EDEM3: variants seen among roughly 807,000 people sequenced by gnomAD.
EDEM3 encodes the protein ER degradation-enhancing alpha-mannosidase-like protein 3.
EDEM3 carries 60 observed loss-of-function variants against 110.2 expected under a neutral mutation model. The observed-to-expected ratio is 0.54, with a 90% CI of 0.44 to 0.67. The LOEUF (loss-of-function observed/expected upper bound fraction) is 0.67, where lower values mean the gene tolerates loss of function less well. EDEM3 is among the 30% of genes least tolerant of loss of function. The pLI is 0.00. For synonymous variants in EDEM3, 352 were observed against 382.9 expected, an observed-to-expected ratio of 0.92 and a Z score of 0.94; for missense variants, 996 against 1,121.0, an observed-to-expected ratio of 0.89 and a Z score of 1.59.
At chr1:184,741,763 G>A (rs72737777) in intron 2 of EDEM3, among the ~76,000 whole-genome samples, 2 of 152,216 alleles carry the variant, frequency 1.3e-5, no homozygotes, top group South Asian at 2.1e-4. Context: ...AGAGTATAAC[G>A]GGTATTGTAG....
chr1:184,731,082 T>G (rs1380773481), intron 6 of EDEM3, among the ~76,000 whole-genome samples: 2 of 152,078 alleles, frequency 1.3e-5, no homozygotes, highest in African/African-American at 4.8e-5. Flanking sequence ...GTGATACTGG[T>G]TTTTCAAGTG....
At chr1:184,724,518 G>A (rs958737809) in intron 7 of EDEM3, among the ~76,000 whole-genome samples, 5 of 152,102 alleles carry the variant, frequency 3.3e-5, no homozygotes, top group Admixed American at 6.6e-5. Context: ...TGGATGAAAA[G>A]ATGTTACAAA....
chr1:184,727,016 G>A (rs766545811), intron 6 of EDEM3, among the ~76,000 whole-genome samples: 1 of 152,306 alleles, frequency 6.6e-6, no homozygotes, highest in East Asian at 1.9e-4. Flanking sequence ...AATAGGCCAC[G>A]AGCGGTAGCT....
chr1:184,701,618 T>C (rs1225046669), intron 19 of EDEM3: 11 of 1,097,918 alleles, frequency 1.0e-5, no homozygotes, highest in Admixed American at 2.9e-5. Context: ...AAATAATAAT[T>C]TGCCTATGTT....
chr1:184,710,712 TG>T (rs1311744642), intron 15 of EDEM3, among the ~76,000 whole-genome samples, 165 bp from the exon 16 acceptor site: 1 of 152,206 alleles, frequency 6.6e-6, no homozygotes, highest in African/African-American at 2.4e-5. Flanking sequence ...GGTTAACAAG[TG>T]GTATAGCTTT....
At chr1:184,705,997 A>G (rs1314667270) in intron 18 of EDEM3, among the ~76,000 whole-genome samples, 8 of 152,310 alleles carry the variant, frequency 5.3e-5, no homozygotes, top group African/African-American at 1.9e-4. Flanking sequence ...ATCTGCTAGC[A>G]ATACTGTAAA....
At chr1:184,704,634 A>T (rs1490941808) in intron 18 of EDEM3, among the ~76,000 whole-genome samples, 1 of 133,488 alleles carries the variant, frequency 7.5e-6, no homozygotes, top group East Asian at 2.4e-4. Flanking sequence ...TGGGTGACAA[A>T]GCAAGACTCT....
At position 184,719,591 on chromosome 1, in the gene EDEM3, C is replaced by T. The variant is rs759555788; in HGVS notation, c.952-23G>A. 2.0e-5 allele frequency: 32 copies of T among 1,609,832 alleles called. No individual in the cohort carries two copies. The South Asian group carries it at 3.1e-4, about 16-fold the overall frequency. On this transcript the variant is annotated intron_variant, in intron 9 of 19. Transcript: ENST00000318130. ...GTGCTAAAAGATCACAACATGTGTT[C>T]ATGAAAGTTAGATGAAAAAAGAGGT...
At position 184,745,129 on chromosome 1, in the gene EDEM3, A is replaced by G. The variant is rs1297432643; in HGVS notation, c.204+4418T>C. ...ATTTTATTGTCTGTAAATTATATCT[A>G]AAAAAGATGAATTAGCTGAACGATC... On this transcript the variant is annotated intron_variant, in intron 2 of 19. Coordinates refer to ENST00000318130, the MANE Select transcript of EDEM3 (RefSeq NM_025191.4). Among the ~76,000 whole-genome samples, 4 of 152,262 alleles carry G rather than the reference A, an allele frequency of 2.6e-5. No homozygotes were observed. In the South Asian group the frequency reaches 8.3e-4, roughly 32 times the overall value.
intron 15 of EDEM3, among the ~76,000 whole-genome samples, chr1:184,711,184 C>T (rs1241461848): frequency 6.6e-6 from 1 of 152,100 alleles, no homozygotes; most frequent in Non-Finnish European, 1.5e-5. Context: ...CCGCAACCTC[C>T]ACCTCCTGGG....
chr1:184,731,789 A>G (rs1270816378), intron 6 of EDEM3, among the ~76,000 whole-genome samples: 4 of 152,206 alleles, frequency 2.6e-5, no homozygotes, highest in Admixed American at 6.5e-5. Context: ...TAAATTTTAC[A>G]TATACACAAT....
chr1:184,729,604 A>G (rs1359422101), intron 6 of EDEM3, among the ~76,000 whole-genome samples: 2 of 152,192 alleles, frequency 1.3e-5, no homozygotes, highest in Non-Finnish European at 2.9e-5. Context: ...CATTAATGCA[A>G]ATACTATCAA....
In EDEM3 at chr1:184,693,732, T is replaced by C. The variant is rs1273234846; in HGVS notation, c.*331A>G. 1 of 200,258 alleles carries C rather than the reference T, an allele frequency of 5.0e-6. No individual in the cohort carries two copies. The highest frequency in any genetic ancestry group is 1.8e-3 in the Middle Eastern group (1 of 542). The allele number at this position is 200,258 out of a possible 1,614,324, so 12.4% of individuals were successfully genotyped here. ...ATTCCCCACTCCACTACTAAATGAA[T>C]TTTGTTTCTTGTCTATCCAGAGACA... is the stretch of plus-strand genomic sequence containing the variant. On this transcript the variant is annotated 3_prime_UTR_variant, in exon 20 of 20. Transcript: ENST00000318130.
At chr1:184,739,252 ATAAT>A (rs1320870077) in intron 2 of EDEM3, among the ~76,000 whole-genome samples, 1 of 149,082 alleles carries the variant, frequency 6.7e-6, no homozygotes, top group Non-Finnish European at 1.5e-5. Context: ...TTTTAATAAA[ATAAT>A]TAAATTTAAA....
intron 2 of EDEM3, among the ~76,000 whole-genome samples, chr1:184,746,736 A>T (rs1207050663): frequency 1.3e-5 from 2 of 152,108 alleles, no homozygotes; most frequent in African/African-American, 4.8e-5. Context: ...TCTTTGGAAA[A>T]CACCACTGCT....
chr1:184,703,045 A>G (rs7513276), intron 18 of EDEM3, 49 bp from the exon 19 acceptor site: 63,397 of 1,428,158 alleles, frequency 0.044, 4,666 homozygotes, highest in African/African-American at 0.33. Flanking sequence ...AGCCATTAAA[A>G]AGATCTATCT....
intron 16 of EDEM3, among the ~76,000 whole-genome samples, chr1:184,709,519 C>T (rs1489095763): frequency 1.3e-5 from 2 of 151,954 alleles, no homozygotes; most frequent in African/African-American, 2.4e-5. Flanking sequence ...CCTGGGAAGC[C>T]AAAAAGGGAA....
At chr1:184,719,696 T>C (rs932141769) in intron 9 of EDEM3, 128 bp from the exon 10 acceptor site, 1 of 893,380 alleles carries the variant, frequency 1.1e-6, no homozygotes, top group Non-Finnish European at 1.6e-6. Context: ...AACTACCAAT[T>C]TATATAAATA....
At chr1:184,752,885 A>T (rs1245461082) in intron 1 of EDEM3, among the ~76,000 whole-genome samples, 4 of 152,184 alleles carry the variant, frequency 2.6e-5, no homozygotes, top group African/African-American at 7.2e-5. Flanking sequence ...GATCATATTC[A>T]TTGGGAAATA....
Sources: allele counts gnomAD v4.1 joint callset (sites outside exome capture counted in the v4.1 genomes callset), GRCh38; gene constraint gnomAD v4.1.1; transcripts MANE v1.5; gene names NCBI Gene and HGNC (gene_info 2026-07-23, HGNC 2026-07-21).